The following RASGEF1B variants were observed in gnomAD, a reference collection of about 807,000 sequenced individuals.
The protein encoded by RASGEF1B is RasGEF domain family member 1B.
RASGEF1B carries 30 observed loss-of-function variants against 65.7 expected under a neutral mutation model. That is an observed-to-expected ratio of 0.46 (90% CI 0.34 to 0.62). The LOEUF is 0.62. Ranked by LOEUF, RASGEF1B falls within the 20% of genes least tolerant of loss-of-function variation. The pLI is 0.01. For synonymous variants in RASGEF1B, 175 were observed against 194.8 expected (o/e 0.90, Z 0.85); for missense variants, 495 against 580.1 (o/e 0.85, Z 1.51).
intron 10 of RASGEF1B, among the ~76,000 whole-genome samples, chr4:81,436,646 G>A (rs933832822): frequency 3.9e-5 from 6 of 152,206 alleles, no homozygotes; most frequent in Admixed American, 6.5e-5. Flanking sequence ...AACACCGATC[G>A]TGGGCCTATC....
chr4:81,470,802 T>C (rs1722994826), intron 1 of RASGEF1B, among the ~76,000 whole-genome samples: 1 of 152,170 alleles, frequency 6.6e-6, no homozygotes, highest in Admixed American at 6.5e-5. Context: ...CTCGGCAGTG[T>C]CAGAGGATTA....
At position 81,457,515 on chromosome 4, in the gene RASGEF1B, T is replaced by A; in HGVS notation, c.284A>T (p.Asp95Val). The change falls in exon 3 of 14, where the codon GAT becomes GTT. Residue 95 changes from aspartate (D) to valine (V), a missense_variant. Asp to Val is a radical substitution (Grantham distance 152). Transcript: ENST00000264400. ...TACCATTACCTTATCACTATCAGGA[T>A]CACTTAGTCTCTGGTGCTCAACACA... is the stretch of plus-strand genomic sequence containing the variant. Reference protein sequence around the residue: ...HLCVEHQRLSDPDSDKNQMRK... With the variant: ...HLCVEHQRLSVPDSDKNQMRK... 1.2e-6 allele frequency: 2 copies of A among 1,614,094 alleles called. No homozygotes were observed. The highest frequency in any genetic ancestry group is 2.2e-5 in the South Asian group (2 of 91,072).
chr4:81,438,927 A>G (rs1178818501), intron 10 of RASGEF1B, among the ~76,000 whole-genome samples: 2 of 152,098 alleles, frequency 1.3e-5, no homozygotes, highest in African/African-American at 4.8e-5. Context: ...GCTGCATAGT[A>G]TTCCATGGTG....
chr4:81,466,095 G>A (rs1296079531), intron 1 of RASGEF1B, among the ~76,000 whole-genome samples: 4 of 152,124 alleles, frequency 2.6e-5, no homozygotes, highest in South Asian at 2.1e-4. Context: ...GAAGGCCTCC[G>A]TATCACAGCT....
chr4:81,463,722 T>G (rs910678779), intron 1 of RASGEF1B, among the ~76,000 whole-genome samples: 1 of 152,174 alleles, frequency 6.6e-6, no homozygotes, highest in Non-Finnish European at 1.5e-5. Context: ...AAGACAAACA[T>G]AGTAGTCTGT....
chr4:81,432,020 A>ATT (rs144119071), intron 13 of RASGEF1B, among the ~76,000 whole-genome samples: 3 of 152,064 alleles, frequency 2.0e-5, no homozygotes, highest in African/African-American at 7.2e-5. Flanking sequence ...AAGTCAATGC[A>ATT]TTTTTTTTAA....
At chr4:81,432,807 T>C (rs1430617903) in intron 12 of RASGEF1B, among the ~76,000 whole-genome samples, 1 of 152,130 alleles carries the variant, frequency 6.6e-6, no homozygotes, top group South Asian at 2.1e-4. Context: ...TTTTCCATTC[T>C]ACTAATATTT....
intron 1 of RASGEF1B, among the ~76,000 whole-genome samples, chr4:81,466,339 C>A (rs919789882): frequency 6.6e-6 from 1 of 152,168 alleles, no homozygotes; most frequent in Non-Finnish European, 1.5e-5. Flanking sequence ...TGTCTCCTTT[C>A]GCCCTGCTAG....
chr4:81,463,541 T>C (rs921558644), intron 1 of RASGEF1B, among the ~76,000 whole-genome samples: 2 of 152,212 alleles, frequency 1.3e-5, no homozygotes, highest in African/African-American at 4.8e-5. Context: ...AGAAAAATCA[T>C]GGCTCACAGT....
Position 81,435,682 on chromosome 4 carries a change from A to T in RASGEF1B, c.1105-948T>A, listed in dbSNP as rs371050670. On this transcript the variant is annotated intron_variant, in intron 10 of 13. Transcript: ENST00000264400. ...AGTAGAGACAGGGTTTCACCGTGTT[A>T]GCCAGGATGGTCTCGATCTCCTGAC... Among the ~76,000 whole-genome samples, 6 of 146,006 alleles carry T rather than the reference A, an allele frequency of 4.1e-5. No individual in the cohort carries two copies. The East Asian group carries it at 1.1e-3, about 26-fold the overall frequency.
chr4:81,449,547 G>C (rs1189281038), intron 4 of RASGEF1B, among the ~76,000 whole-genome samples: 1 of 152,150 alleles, frequency 6.6e-6, no homozygotes, highest in Non-Finnish European at 1.5e-5. Flanking sequence ...GCCTGTATCA[G>C]AGAAAGGCAC....
chr4:81,464,851 G>A (rs546655738), intron 1 of RASGEF1B, among the ~76,000 whole-genome samples: 2 of 152,222 alleles, frequency 1.3e-5, no homozygotes, highest in Admixed American at 6.5e-5. Flanking sequence ...TCGGGAGGCT[G>A]AGGCGGGCGG....
chr4:81,434,654 G>T lies in RASGEF1B; in HGVS notation c.1185C>A (p.Gly395=). 6.3e-7 allele frequency: 1 copy of T among 1,594,144 alleles called. No individual in the cohort carries two copies. The highest frequency in any genetic ancestry group is 8.6e-7 in the Non-Finnish European group (1 of 1,161,918). Residue 395 remains glycine (G), a synonymous_variant, in exon 11 of 14, where the codon GGC becomes GGA. Coordinates refer to ENST00000264400, the MANE Select transcript of RASGEF1B (RefSeq NM_152545.3). ...TCACACTCACCTCAAAATTGACATG[G>T]CCATTGGGAAGGCGGTTGGCACAAC... ...NEGCANRLPN[G]HVNFEKFWEL...
At position 81,440,944 on chromosome 4, in the gene RASGEF1B, G is replaced by C; in HGVS notation, c.1009-15C>G. On this transcript the variant is annotated splice_polypyrimidine_tract_variant and intron_variant, in intron 9 of 13. Transcript: ENST00000264400. ...TCCATCTGATGCTATAGATAAAAGA[G>C]AGAAGAATATTAACTATTTATTTAT... 8 of 1,488,120 alleles carry C rather than the reference G, an allele frequency of 5.4e-6. No individual in the cohort carries two copies. The South Asian group carries it at 6.9e-5, about 13-fold the overall frequency. The allele number at this position is 1,488,120 out of a possible 1,614,324, so 92.2% of individuals were successfully genotyped here.
intron 4 of RASGEF1B, chr4:81,454,732 T>C (rs1414064995): frequency 6.6e-6 from 1 of 152,204 alleles, no homozygotes; most frequent in Non-Finnish European, 1.5e-5. Context: ...AGGAAATGAC[T>C]CATTCGGCCC....
At chr4:81,444,779 C>T (rs988212879) in intron 8 of RASGEF1B, among the ~76,000 whole-genome samples, 6 of 152,194 alleles carry the variant, frequency 3.9e-5, no homozygotes, top group African/African-American at 1.4e-4. Flanking sequence ...TTGTGATCCA[C>T]CCGCCTTGCC....
rs1722112681 is a variant in RASGEF1B at position 81,448,224 on chromosome 4, G to A, written c.499C>T (p.Leu167Phe). 1 of 1,613,746 alleles carries A rather than the reference G, an allele frequency of 6.2e-7. No homozygotes were observed. Among genetic ancestry groups the A allele is most frequent in the Non-Finnish European group, 8.5e-7 (1 of 1,180,028 alleles). The change falls in exon 5 of 14, where the codon CTC becomes TTC. Residue 167 changes from leucine (L) to phenylalanine (F), a missense_variant. Physicochemically the swap from Leu to Phe is conservative, Grantham distance 22 (BLOSUM62 0). Transcript: ENST00000264400. The stretch of plus-strand genomic sequence containing the variant: ...GCCAGGACTTCTTCGTACTGGCTGA[G>A]CGCAGCAAGCTTGCGGATCAGACAC... ...MQCLIRKLAA[L>F]SQYEEVLAKI... is the part of the protein sequence containing the mutation.
intron 5 of RASGEF1B, 74 bp from the exon 6 acceptor site, chr4:81,447,652 C>T (rs1360295544): frequency 1.9e-6 from 2 of 1,027,172 alleles, no homozygotes; most frequent in African/African-American, 3.2e-5. Context: ...CCCTCTATGA[C>T]TATTGGCACC....
At chr4:81,433,996 G>T (rs1721523873) in intron 11 of RASGEF1B, 33 bp from the exon 12 acceptor site, 1 of 1,576,864 alleles carries the variant, frequency 6.3e-7, no homozygotes, top group Non-Finnish European at 8.7e-7. Flanking sequence ...ATATAAAGGT[G>T]ATCATAAAAA....
Sources: allele counts gnomAD v4.1 joint callset (sites outside exome capture counted in the v4.1 genomes callset), GRCh38; gene constraint gnomAD v4.1.1; transcripts MANE v1.5; gene names NCBI Gene and HGNC (gene_info 2026-07-23, HGNC 2026-07-21).